PTPN9: variants seen among roughly 807,000 people sequenced by gnomAD.
The protein encoded by PTPN9 is tyrosine-protein phosphatase non-receptor type 9.
A neutral mutation model predicts 69.8 loss-of-function variants in PTPN9; 26 were observed. The ratio of observed to expected loss-of-function variants is 0.37; its 90% confidence interval spans 0.27 to 0.52. The LOEUF is 0.52. Ranked by LOEUF, PTPN9 falls within the 20% of genes least tolerant of loss-of-function variation. The probability of loss-of-function intolerance (pLI) is 0.91; values close to 1 mark genes in which losing one functional copy is unlikely to be tolerated. For synonymous variants in PTPN9, 274 were observed against 272.5 expected (o/e 1.01, Z -0.05); for missense variants, 549 against 740.3 (o/e 0.74, Z 3.00).
chr15:75,530,760 ATAT>A (rs1329776140), intron 1 of PTPN9, among the ~76,000 whole-genome samples: 13 of 83,886 alleles, frequency 1.5e-4, no homozygotes, highest in African/African-American at 5.3e-4. Context: ...ATAATATAAT[ATAT>A]TATTATAATT....
chr15:75,521,071 G>A (rs891209971), intron 4 of PTPN9, among the ~76,000 whole-genome samples: 3 of 152,034 alleles, frequency 2.0e-5, no homozygotes, highest in Admixed American at 6.6e-5. Context: ...GGCTGGTCTC[G>A]AACTTCTGGG....
chr15:75,493,417 G>T (rs1315830529), intron 7 of PTPN9, among the ~76,000 whole-genome samples: 1 of 151,926 alleles, frequency 6.6e-6, no homozygotes, highest in Non-Finnish European at 1.5e-5. Flanking sequence ...AAAAGAGAAA[G>T]TTGAGGAAAT....
intron 1 of PTPN9, among the ~76,000 whole-genome samples, chr15:75,546,405 A>G (rs905247469): frequency 2.0e-5 from 3 of 152,190 alleles, no homozygotes; most frequent in Non-Finnish European, 4.4e-5. Context: ...GTACTTTGGG[A>G]GGCCGAGGCG....
At chr15:75,502,434 C>G (rs567136128) in intron 7 of PTPN9, among the ~76,000 whole-genome samples, 2 of 149,674 alleles carry the variant, frequency 1.3e-5, no homozygotes, top group Non-Finnish European at 3.0e-5. Context: ...GGTGACAGAA[C>G]GAGACTCCAT....
intron 1 of PTPN9, among the ~76,000 whole-genome samples, chr15:75,560,821 C>G (rs1054536646): frequency 1.3e-5 from 2 of 152,068 alleles, no homozygotes; most frequent in Non-Finnish European, 2.9e-5. Flanking sequence ...GAGTTCAAGA[C>G]CAGCCTGACC....
chr15:75,503,609 C>G (rs2074789846), intron 7 of PTPN9, among the ~76,000 whole-genome samples: 1 of 143,838 alleles, frequency 7.0e-6, no homozygotes, highest in Non-Finnish European at 1.5e-5. Context: ...GGTCAGCCCC[C>G]CGCCCGGCCA....
intron 1 of PTPN9, among the ~76,000 whole-genome samples, chr15:75,528,413 C>T (rs1037212215): frequency 7.9e-5 from 12 of 151,160 alleles, no homozygotes; most frequent in African/African-American, 2.9e-4. Flanking sequence ...GACAGGGTCT[C>T]ACTCTGTGAC....
intron 1 of PTPN9, among the ~76,000 whole-genome samples, chr15:75,575,535 C>T (rs1304493261): frequency 3.3e-5 from 5 of 152,148 alleles, no homozygotes; most frequent in Admixed American, 1.3e-4. Context: ...GGCAGCATTA[C>T]GGAGTGAATG....
chr15:75,504,324 C>T (rs2074800242), intron 7 of PTPN9, among the ~76,000 whole-genome samples: 1 of 124,382 alleles, frequency 8.0e-6, no homozygotes, highest in African/African-American at 3.1e-5. Context: ...CCCAGCCGCC[C>T]CTACTGGGAA....
intron 1 of PTPN9, among the ~76,000 whole-genome samples, chr15:75,528,927 C>G (rs1316518344): frequency 6.6e-5 from 10 of 151,610 alleles, no homozygotes; most frequent in Non-Finnish European, 1.5e-5. Flanking sequence ...GTCTTGAACT[C>G]CAGTGCTCAA....
In PTPN9 at chr15:75,468,652, G is replaced by T. The variant is rs1193973506; in HGVS notation, c.*117C>A. 2.2e-6 allele frequency: 2 copies of T among 895,220 alleles called. No individual in the cohort carries two copies. Among genetic ancestry groups the T allele is most frequent in the Non-Finnish European group, 3.5e-6 (2 of 565,406 alleles). 55.5% of individuals were successfully genotyped at this position (895,220 alleles called of 1,614,324 possible). On this transcript the variant is annotated 3_prime_UTR_variant, in exon 13 of 13. Transcript: ENST00000618819. ...CCTTGCGTGCACACGTGTGCTGGGA[G>T]ACACAAGAAAGAAGTTGATCCATGG...
At chr15:75,572,567 T>A (rs563714233) in intron 1 of PTPN9, among the ~76,000 whole-genome samples, 2 of 150,670 alleles carry the variant, frequency 1.3e-5, no homozygotes, top group African/African-American at 4.9e-5. Context: ...ATACAAAAAT[T>A]AGTCGGGTGT....
chr15:75,527,209 A>G lies in PTPN9; in HGVS notation c.116T>C (p.Val39Ala), dbSNP rs761905346. 1.4e-5 allele frequency: 23 copies of G among 1,614,180 alleles called. No individual in the cohort carries two copies. In the South Asian group the frequency reaches 2.3e-4, roughly 16 times the overall value. The change falls in exon 2 of 13, where the codon GTT becomes GCT. Residue 39 changes from valine (V) to alanine (A), a missense_variant. Val to Ala is a moderately conservative substitution (Grantham distance 64, BLOSUM62 0). Coordinates refer to ENST00000618819, the MANE Select transcript of PTPN9 (RefSeq NM_002833.4). ...EINKWTVQYN[V>A]SPLSWNVAVK... Reference sequence around the variant, plus strand: ...AGCCACATTCCAAGACAGCGGGGAAACATTGTACTGAACTGTCCACTTGTT... The same window carrying G: ...AGCCACATTCCAAGACAGCGGGGAAGCATTGTACTGAACTGTCCACTTGTT...
At chr15:75,520,893 T>A (rs1040065475) in intron 4 of PTPN9, among the ~76,000 whole-genome samples, 1 of 151,970 alleles carries the variant, frequency 6.6e-6, no homozygotes, top group African/African-American at 2.4e-5. Context: ...AGCCTCGACC[T>A]CCCAGGGCTC....
chr15:75,566,561 A>G (rs997610907), intron 1 of PTPN9, among the ~76,000 whole-genome samples: 4 of 152,100 alleles, frequency 2.6e-5, no homozygotes, highest in African/African-American at 9.7e-5. Flanking sequence ...AGGCACCTGT[A>G]GTCCCAGCTA....
intron 1 of PTPN9, among the ~76,000 whole-genome samples, chr15:75,538,247 C>T (rs1233079712): frequency 6.6e-6 from 1 of 152,072 alleles, no homozygotes; most frequent in African/African-American, 2.4e-5. Context: ...GCTGAAAATG[C>T]ACTGCGTAAA....
Position 75,468,874 on chromosome 15 carries a change from C to G in PTPN9, c.1677G>C (p.Gln559His). The G allele has an allele frequency of 3.7e-6, 6 of 1,614,178 alleles. No homozygotes were observed. The highest frequency in any genetic ancestry group is 5.1e-6 in the Non-Finnish European group (6 of 1,180,022). ...RMRTQRAFSIQTPEQYYFCYK... is the reference protein window; with the variant it reads ...RMRTQRAFSIHTPEQYYFCYK... Reference sequence around the variant, plus strand: ...AGCAAAAATAGTACTGCTCAGGGGTCTGGATGCTGAAGGCCCTCTGGGTCC... The same window carrying G: ...AGCAAAAATAGTACTGCTCAGGGGTGTGGATGCTGAAGGCCCTCTGGGTCC... The change falls in exon 13 of 13, where the codon CAG becomes CAC. Residue 559 changes from glutamine (Q) to histidine (H), a missense_variant. Around this residue, in one of 3 missense-constraint regions of PTPN9, gnomAD observed 457 missense variants for 661.9 expected, o/e 0.69. Transcript: ENST00000618819.
intron 1 of PTPN9, among the ~76,000 whole-genome samples, chr15:75,528,507 C>A (rs532155954): frequency 1.3e-5 from 2 of 151,880 alleles, no homozygotes; most frequent in Non-Finnish European, 2.9e-5. Flanking sequence ...CTCAGCCTCT[C>A]GAGTAGCTGG....
chr15:75,578,919 C>T lies in PTPN9; in HGVS notation c.-143G>A. ...TGTGGCCGGCAGGGCCCGGCGCCTG[C>T]AGCGGCCGCAAACGCCGCTTCTGCT... On this transcript the variant is annotated 5_prime_UTR_variant, in exon 1 of 13. Transcript: ENST00000618819. 2.5e-6 allele frequency: 1 copy of T among 402,272 alleles called. No homozygotes were observed. The highest frequency in any genetic ancestry group is 3.9e-6 in the Non-Finnish European group (1 of 255,474). 24.9% of individuals were successfully genotyped at this position (402,272 alleles called of 1,614,324 possible).
Sources: allele counts gnomAD v4.1 joint callset (sites outside exome capture counted in the v4.1 genomes callset), GRCh38; gene constraint gnomAD v4.1.1; regional missense constraint gnomAD v4.1.1; transcripts MANE v1.5; gene names NCBI Gene and HGNC (gene_info 2026-07-23, HGNC 2026-07-21).